The following MAP3K7 variants were observed in gnomAD, a reference collection of about 807,000 sequenced individuals.
The protein encoded by MAP3K7 is TGF-beta activated kinase 1.
MAP3K7 carries 21 observed loss-of-function variants against 84.8 expected under a neutral mutation model. The ratio of observed to expected loss-of-function variants is 0.25; its 90% CI spans 0.18 to 0.36. MAP3K7 has a LOEUF of 0.36. MAP3K7 is among the 10% of genes least tolerant of loss of function. MAP3K7 has a pLI of 1.00. For missense variants in MAP3K7, 503 were observed against 747.7 expected (o/e 0.67, Z 3.82); for synonymous variants, 241 against 247.7 (o/e 0.97, Z 0.25).
chr6:90,585,061 G>A (rs1287065766), intron 1 of MAP3K7, among the ~76,000 whole-genome samples: 1 of 152,138 alleles, frequency 6.6e-6, no homozygotes. Context: ...TATGTGTCAG[G>A]CCCTGTGGTA....
intron 15 of MAP3K7, 98 bp from the exon 16 acceptor site, chr6:90,518,660 A>G: frequency 1.5e-6 from 1 of 681,306 alleles, no homozygotes; most frequent in Non-Finnish European, 2.6e-6. Flanking sequence ...TTTTTATAGC[A>G]CTAAAGCAAT....
chr6:90,532,202 T>C (rs1437742471), intron 13 of MAP3K7, among the ~76,000 whole-genome samples: 1 of 152,182 alleles, frequency 6.6e-6, no homozygotes, highest in African/African-American at 2.4e-5. Flanking sequence ...AAGCAAATAC[T>C]TTCCATGATC....
intron 1 of MAP3K7, among the ~76,000 whole-genome samples, chr6:90,574,212 C>G (rs749549796): frequency 3.3e-5 from 5 of 152,166 alleles, no homozygotes; most frequent in Non-Finnish European, 7.3e-5. Flanking sequence ...CTACAAAGAA[C>G]AGTAAGTGCT....
At chr6:90,525,147 T>C (rs543173407) in intron 13 of MAP3K7, among the ~76,000 whole-genome samples, 18 of 152,114 alleles carry the variant, frequency 1.2e-4, no homozygotes, top group African/African-American at 3.9e-4. Context: ...TTAAATGCTA[T>C]TTATAAGAGA....
intron 4 of MAP3K7, 29 bp downstream of exon 4, chr6:90,561,593 T>C (rs374846105): frequency 5.2e-6 from 8 of 1,539,424 alleles, no homozygotes; most frequent in Non-Finnish European, 6.2e-6. Flanking sequence ...TTTAATCCAC[T>C]AGATAAAGAC....
rs1026523138 is a variant in MAP3K7 at position 90,556,444 on chromosome 6, T to G, written c.607+56A>C. 7 of 1,561,158 alleles carry G rather than the reference T, an allele frequency of 4.5e-6. No homozygotes were observed. In the African/African-American group the frequency reaches 9.7e-5, roughly 22 times the overall value. ...AATGGGGAAAATCTATAAAAACATA[T>G]GAATTCACAAGGAGTGAGGGAGATT... On this transcript the variant is annotated intron_variant, in intron 6 of 16. Transcript: ENST00000369329.
chr6:90,583,871 A>G (rs1474655375), intron 1 of MAP3K7, among the ~76,000 whole-genome samples: 1 of 152,210 alleles, frequency 6.6e-6, no homozygotes, highest in Non-Finnish European at 1.5e-5. Flanking sequence ...TGATGTTTAA[A>G]AAGTACCTAG....
chr6:90,526,010 G>C (rs1162036585), intron 13 of MAP3K7, among the ~76,000 whole-genome samples: 2 of 152,006 alleles, frequency 1.3e-5, no homozygotes, highest in African/African-American at 2.4e-5. Flanking sequence ...TATTGCACTT[G>C]GCTAATTTTT....
intron 12 of MAP3K7, among the ~76,000 whole-genome samples, chr6:90,542,763 T>A (rs1775893017): frequency 6.6e-6 from 1 of 152,000 alleles, no homozygotes; most frequent in Non-Finnish European, 1.5e-5. Flanking sequence ...TTAAGCTACT[T>A]TGTAGGGCAC....
At chr6:90,533,175 G>A (rs576186575) in intron 13 of MAP3K7, among the ~76,000 whole-genome samples, 1 of 152,300 alleles carries the variant, frequency 6.6e-6, no homozygotes, top group Admixed American at 6.5e-5. Flanking sequence ...CAAAGTCAGT[G>A]CACAACAAAT....
At chr6:90,559,385 G>C (rs537070816) in intron 5 of MAP3K7, among the ~76,000 whole-genome samples, 7 of 15,392 alleles carry the variant, frequency 4.5e-4, no homozygotes, top group East Asian at 6.9e-4. Context: ...TGGGAGCTTG[G>C]GGGGAGGGTA....
intron 13 of MAP3K7, among the ~76,000 whole-genome samples, chr6:90,531,970 A>G (rs1044038170): frequency 4.6e-5 from 7 of 152,082 alleles, no homozygotes; most frequent in East Asian, 3.9e-4. Context: ...AAAAAAAAAA[A>G]AAGAAGAAAC....
intron 12 of MAP3K7, among the ~76,000 whole-genome samples, chr6:90,543,296 A>C (rs1290604265): frequency 1.3e-5 from 2 of 152,228 alleles, no homozygotes; most frequent in East Asian, 3.9e-4. Context: ...GTAAAATAAG[A>C]AACCACTTTG....
At chr6:90,533,676 T>C (rs1775578251) in intron 13 of MAP3K7, among the ~76,000 whole-genome samples, 2 of 152,208 alleles carry the variant, frequency 1.3e-5, no homozygotes, top group South Asian at 2.1e-4. Context: ...AGTCTTGTTT[T>C]GTCTCCTTTT....
chr6:90,536,523 G>GA (rs961308265), intron 12 of MAP3K7, 122 bp from the exon 13 acceptor site: 40 of 603,244 alleles, frequency 6.6e-5, no homozygotes, highest in Non-Finnish European at 7.1e-5. Flanking sequence ...TGTTTGTGGG[G>GA]AAAAAAAAGT....
intron 1 of MAP3K7, among the ~76,000 whole-genome samples, chr6:90,575,517 G>C (rs540699287): frequency 1.3e-5 from 2 of 152,126 alleles, no homozygotes; most frequent in Admixed American, 1.3e-4. Flanking sequence ...GCCCTAACCC[G>C]GGTTCCCTCA....
At chr6:90,547,071 T>C (rs1375290540) in intron 11 of MAP3K7, among the ~76,000 whole-genome samples, 187 bp downstream of exon 11, 3 of 152,150 alleles carry the variant, frequency 2.0e-5, no homozygotes, top group Non-Finnish European at 4.4e-5. Flanking sequence ...AAGTCATACC[T>C]TCCTTATTTG....
intron 1 of MAP3K7, among the ~76,000 whole-genome samples, chr6:90,574,804 T>C (rs1777018780): frequency 6.6e-6 from 1 of 152,154 alleles, no homozygotes; most frequent in Non-Finnish European, 1.5e-5. Context: ...GGGAACAAAA[T>C]GTGGTCAAAT....
rs779190260 is a variant in MAP3K7, at chr6:90,561,635, G to A, written c.330C>T (p.Gly110=). ...AATGACACTCACCATTATATAAAGA[G>A]CCCCCTTCAGCATATTCCATCACAA... is the stretch of plus-strand genomic sequence containing the variant. ...VCLVMEYAEG[G]SLYNVLHGAE... The change falls in exon 4 of 17, where the codon GGC becomes GGT. Residue 110 remains glycine (G), a synonymous_variant. Transcript: ENST00000369329. The A allele has an allele frequency of 2.5e-6, 4 of 1,610,942 alleles. No homozygotes were observed. Among genetic ancestry groups the A allele is most frequent in the South Asian group, 1.1e-5 (1 of 90,980 alleles).
Sources: gnomAD v4.1 joint callset for allele counts (sites outside exome capture counted in the v4.1 genomes callset) on GRCh38, gnomAD v4.1.1 for gene constraint, MANE v1.5 for transcripts, NCBI Gene and HGNC (gene_info 2026-07-23, HGNC 2026-07-21) for gene names.